Variants in HIGD1C observed in about 807,000 individuals in gnomAD.
The protein encoded by HIGD1C is HIG1 hypoxia inducible domain family member 1C.
A neutral mutation model predicts 13.1 loss-of-function variants in HIGD1C; 11 were observed. That is an observed-to-expected ratio of 0.84 (90% CI 0.53 to 1.39). The LOEUF (loss-of-function observed/expected upper bound fraction) is 1.39, where lower values mean the gene tolerates loss of function less well. HIGD1C is among the 40% of genes most tolerant of loss of function. The pLI, the probability that HIGD1C is intolerant of heterozygous loss-of-function variation, is 0.00. For synonymous variants in HIGD1C, 36 were observed against 37.7 expected (o/e 0.95, Z 0.17); for missense variants, 110 against 112.0 (o/e 0.98, Z 0.08).
At chr12:50,958,167 T>C (rs1939182177) in intron 1 of HIGD1C, among the ~76,000 whole-genome samples, 1 of 152,066 alleles carries the variant, frequency 6.6e-6, no homozygotes, top group Non-Finnish European at 1.5e-5. Context: ...CCCAAGTTTA[T>C]CTACAGGCTT....
chr12:50,954,196 G>C, intron 1 of HIGD1C, 104 bp downstream of exon 3: 1 of 694,722 alleles, frequency 1.4e-6, no homozygotes, highest in Non-Finnish European at 2.5e-6. Context: ...AATTTTTTCA[G>C]ATAATTGAAG....
chr12:50,971,763 T>C (rs77825465), downstream of HIGD1C, among the ~76,000 whole-genome samples: 2,001 of 152,352 alleles, frequency 0.013, 26 homozygotes, highest in Middle Eastern at 0.041. Flanking sequence ...TGGTGGGTAC[T>C]TCCTTTTCCT....
At chr12:50,960,988 G>A in exon 2 of HIGD1C, 1 of 1,598,674 alleles carries the variant, frequency 6.3e-7, no homozygotes. Flanking sequence ...CTTTGTGACT[G>A]TGGTGTCCTG....
chr12:50,940,653 G>A, the HIGD1C span, among the ~76,000 whole-genome samples: 2 of 151,018 alleles, frequency 1.3e-5, no homozygotes, highest in Non-Finnish European at 2.9e-5. Flanking sequence ...AACTTGGTAA[G>A]TCGAGGCTGC....
chr12:50,963,323 C>G (rs1172687156), intron 2 of HIGD1C, among the ~76,000 whole-genome samples: 1 of 139,558 alleles, frequency 7.2e-6, no homozygotes, highest in Non-Finnish European at 1.5e-5. Flanking sequence ...TGAACCAAAA[C>G]CACGCCACTG....
chr12:50,957,004 T>C (rs1939120104), intron 1 of HIGD1C, among the ~76,000 whole-genome samples: 2 of 151,472 alleles, frequency 1.3e-5, no homozygotes, highest in Non-Finnish European at 2.9e-5. Context: ...TTTTTTTTGC[T>C]GTTTTTATGT....
chr12:50,947,423 C>T, the HIGD1C span, among the ~76,000 whole-genome samples: 1 of 152,100 alleles, frequency 6.6e-6, no homozygotes, highest in African/African-American at 2.4e-5. Context: ...ACCTTCACTC[C>T]TTGGCACATG....
At chr12:50,948,907 AGGGGGGGAGGGGGGGAGGGGGAGG>A (rs1938841136), upstream of HIGD1C, among the ~76,000 whole-genome samples, 2 of 1,204 alleles carry the variant, frequency 1.7e-3, no homozygotes, top group African/African-American at 0.013. Context: ...GGGAGGGGGG[AGGGGGGGAGGGGGGGAGGGGGAGG>A]GGAGGAGGAG....
the HIGD1C span, among the ~76,000 whole-genome samples, chr12:50,941,832 G>A: frequency 6.6e-6 from 1 of 152,124 alleles, no homozygotes; most frequent in Admixed American, 6.5e-5. Context: ...CCACCAGGCT[G>A]AACTACAGAG....
the HIGD1C span, among the ~76,000 whole-genome samples, chr12:50,938,027 A>G: frequency 2.6e-5 from 4 of 152,034 alleles, no homozygotes; most frequent in Admixed American, 6.5e-5. Context: ...TGGCCCCCCA[A>G]CCTTCTGGCC....
chr12:50,972,119 C>T (rs1164288564), downstream of HIGD1C, among the ~76,000 whole-genome samples: 1 of 152,138 alleles, frequency 6.6e-6, no homozygotes, highest in Non-Finnish European at 1.5e-5. Flanking sequence ...AAACTGAGGA[C>T]AGCTGGCATG....
the HIGD1C span, chr12:50,939,988 G>A: frequency 6.7e-6 from 1 of 149,996 alleles, no homozygotes; most frequent in South Asian, 2.1e-4. Context: ...AACTGGCTGT[G>A]ATCAGTTCAC....
At chr12:50,954,157 T>A (rs760881616) in intron 1 of HIGD1C, 65 bp downstream of exon 3, 27 of 937,116 alleles carry the variant, frequency 2.9e-5, no homozygotes, top group Non-Finnish European at 4.4e-5. Flanking sequence ...ACCCAGTGCC[T>A]TTGCGGATTG....
At chr12:50,940,708 G>A in the HIGD1C span, among the ~76,000 whole-genome samples, 2 of 143,398 alleles carry the variant, frequency 1.4e-5, no homozygotes, top group Admixed American at 1.4e-4. Flanking sequence ...GGGCGACAGA[G>A]TGAGACCCCA....
At chr12:50,964,894 T>C (rs1939483111) in intron 2 of HIGD1C, among the ~76,000 whole-genome samples, 1 of 152,194 alleles carries the variant, frequency 6.6e-6, no homozygotes, top group East Asian at 1.9e-4. Flanking sequence ...TGGTATCTTT[T>C]TTCAAAGACT....
chr12:50,953,800 C>T, upstream of HIGD1C: 1 of 513,494 alleles, frequency 1.9e-6, no homozygotes, highest in Non-Finnish European at 3.5e-6. Flanking sequence ...TTTTTCTTAT[C>T]CCCTTCCCCT....
At chr12:50,970,007 C>T (rs7305638) in intron 2 of HIGD1C, among the ~76,000 whole-genome samples, 23,120 of 152,080 alleles carry the variant, frequency 0.15, 1,943 homozygotes, top group South Asian at 0.27. Context: ...ATATCATCCG[C>T]CTAAACTCAC....
At chr12:50,934,154 T>C in the HIGD1C span, among the ~76,000 whole-genome samples, 4 of 152,248 alleles carry the variant, frequency 2.6e-5, no homozygotes, top group Non-Finnish European at 4.4e-5. Flanking sequence ...AACCCATTGC[T>C]GGATTTCACC....
the HIGD1C span, among the ~76,000 whole-genome samples, chr12:50,948,219 A>C: frequency 6.6e-6 from 1 of 152,186 alleles, no homozygotes; most frequent in Non-Finnish European, 1.5e-5. Context: ...ATCCTCCCCC[A>C]ATCTCTTCAC....
Sources: gnomAD v4.1 joint callset for allele counts (sites outside exome capture counted in the v4.1 genomes callset) on GRCh38, gnomAD v4.1.1 for gene constraint, MANE v1.5 for transcripts, NCBI Gene and HGNC (gene_info 2026-07-23, HGNC 2026-07-21) for gene names.